ASB2: variants seen among roughly 807,000 people sequenced by gnomAD.
The protein encoded by ASB2 is ankyrin repeat and SOCS box containing 2.
A neutral mutation model predicts 62.4 loss-of-function variants in ASB2; 58 were observed. The ratio of observed to expected loss-of-function variants is 0.93; its 90% CI spans 0.75 to 1.16. The LOEUF (loss-of-function observed/expected upper bound fraction) is 1.16. Ranked by LOEUF, ASB2 falls within the 50% of genes most tolerant of loss-of-function variation. The pLI is 0.00. For missense variants in ASB2, 928 were observed against 887.9 expected (o/e 1.05, Z -0.57); for synonymous variants, 386 against 385.3 (o/e 1.00, Z -0.02).
intron 7 of ASB2, among the ~76,000 whole-genome samples, chr14:93,940,834 A>C (rs1283117593): frequency 6.6e-6 from 1 of 152,172 alleles, no homozygotes; most frequent in East Asian, 1.9e-4. Flanking sequence ...AGAGATGAGG[A>C]GACATAAGCC....
At chr14:93,947,748 C>T (rs893386999) in intron 6 of ASB2, among the ~76,000 whole-genome samples, 12 of 152,044 alleles carry the variant, frequency 7.9e-5, no homozygotes, top group Non-Finnish European at 1.8e-4. Context: ...AATCCCAGCA[C>T]TTTGGGAGGC....
intron 1 of ASB2, among the ~76,000 whole-genome samples, chr14:93,975,794 A>G (rs778930548): frequency 7.2e-5 from 11 of 152,102 alleles, no homozygotes; most frequent in Non-Finnish European, 1.5e-4. Flanking sequence ...CATCCCACCC[A>G]TCCTTTCAAA....
chr14:93,958,343 T>C (rs968867089), intron 2 of ASB2, among the ~76,000 whole-genome samples: 5 of 152,106 alleles, frequency 3.3e-5, no homozygotes, highest in African/African-American at 1.2e-4. Context: ...CTGTGCAGGG[T>C]CACCTTCAGC....
chr14:93,937,772 T>C lies in ASB2; in HGVS notation c.1697A>G (p.Asn566Ser), dbSNP rs777896257. The C allele has an allele frequency of 6.2e-7, 1 of 1,613,522 alleles. No individual in the cohort carries two copies. The highest frequency in any genetic ancestry group is 8.5e-7 in the Non-Finnish European group (1 of 1,179,450). The change falls in exon 9 of 10, where the codon AAC becomes AGC. Residue 566 changes from asparagine to serine, a missense_variant. Physicochemically the swap from Asn to Ser is conservative, Grantham distance 46. Transcript: ENST00000555019. ...CTTCAGCCGCGAGCAGAGCTGCACG[T>C]TGCCCACGTAGTCCAGGAGGACATC... Reference protein sequence around the residue: ...IIDVLLDYVGNVQLCSRLKEH... With the variant: ...IIDVLLDYVGSVQLCSRLKEH...
At chr14:93,949,663 A>C (rs891243361) in intron 6 of ASB2, among the ~76,000 whole-genome samples, 2 of 152,100 alleles carry the variant, frequency 1.3e-5, no homozygotes, top group African/African-American at 4.8e-5. Context: ...GCCTGCTTGC[A>C]CAAGAAAAAT....
intron 7 of ASB2, 185 bp from the exon 8 acceptor site, chr14:93,939,857 G>T (rs1380888444): frequency 1.5e-5 from 7 of 477,916 alleles, no homozygotes; most frequent in Non-Finnish European, 1.8e-5. Flanking sequence ...GGGCAGGGTG[G>T]GTCGGCTGCC....
intron 2 of ASB2, among the ~76,000 whole-genome samples, chr14:93,959,874 G>C (rs556881920): frequency 1.3e-5 from 2 of 152,056 alleles, no homozygotes; most frequent in Non-Finnish European, 2.9e-5. Flanking sequence ...CTGAATGCAG[G>C]GGGCAGGTAG....
rs1888215805 is a variant in ASB2, at chr14:93,934,796, A to C, written c.1772-4T>G. 6.2e-7 allele frequency: 1 copy of C among 1,610,998 alleles called. No homozygotes were observed. On this transcript the variant is annotated splice_polypyrimidine_tract_variant and splice_region_variant and intron_variant, in intron 9 of 9. Transcript: ENST00000555019. Reference sequence around the variant, plus strand: ...TGAGCCAGAGGTCTTGGAGGTTCTGAAAAAAGGAGGGAAAGACAGAGGCTG... The same window carrying C: ...TGAGCCAGAGGTCTTGGAGGTTCTGCAAAAAGGAGGGAAAGACAGAGGCTG...
rs908319347 is a variant in ASB2 at position 93,954,135 on chromosome 14, AG to A, written c.478+181del. The A allele has an allele frequency of 2.8e-5, 17 of 598,850 alleles. No homozygotes were observed. The African/African-American group carries it at 3.2e-4, about 11-fold the overall frequency. 37.1% of individuals were successfully genotyped at this position (598,850 alleles called of 1,614,324 possible). On this transcript the variant is annotated intron_variant, in intron 4 of 9. Transcript: ENST00000555019. The stretch of plus-strand genomic sequence containing the variant: ...CTTGGAGGCCTGGAGAGGTGGCAGC[AG>A]GGGGTGGGGACAACTCATTTCCCCT...
chr14:93,974,603 G>A (rs1435763409), intron 1 of ASB2, among the ~76,000 whole-genome samples: 1 of 152,222 alleles, frequency 6.6e-6, no homozygotes, highest in African/African-American at 2.4e-5. Context: ...GTTTACCACT[G>A]CCACAGTACC....
intron 1 of ASB2, chr14:93,968,305 G>A (rs1424065025): frequency 6.6e-6 from 1 of 152,188 alleles, no homozygotes; most frequent in African/African-American, 2.4e-5. Context: ...TGGAAGGTAG[G>A]AAGATTTTCA....
rs141712527 is a variant in ASB2, at chr14:93,934,705, G to T, written c.1859C>A (p.Pro620Gln). Residue 620 changes from proline (P) to glutamine (Q), a missense_variant, in exon 10 of 10, where the codon CCG becomes CAG. Transcript: ENST00000555019. ...GTATCTAATCAGCCTGCCTGGGAGC[G>T]GCAAGGTGTCTAGGAGTTTTATACG... is the stretch of plus-strand genomic sequence containing the variant. ...KYRIKLLDTL[P>Q]LPGRLIRYLK... The T allele has an allele frequency of 3.7e-6, 6 of 1,614,096 alleles. No individual in the cohort carries two copies. In the East Asian group the frequency reaches 1.1e-4, roughly 30 times the overall value.
intron 7 of ASB2, among the ~76,000 whole-genome samples, chr14:93,943,723 C>G (rs1888619696): frequency 6.6e-6 from 1 of 152,208 alleles, no homozygotes; most frequent in East Asian, 1.9e-4. Flanking sequence ...ATTGCCAACA[C>G]TTCTGAGCTT....
In ASB2 at chr14:93,953,502, G is replaced by C; in HGVS notation, c.484C>G (p.Pro162Ala). ...AGGGTGCGCTGGTCGATGGTCCCTG[G>C]GTACGCTAGGGAGGGCCCACCGGGA... ...GCLKVLQRAY[P>A]GTIDQRTLQE... The change falls in exon 5 of 10, where the codon CCA becomes GCA. Residue 162 changes from proline (P) to alanine (A), a missense_variant. Coordinates refer to ENST00000555019, the MANE Select transcript of ASB2 (RefSeq NM_001202429.2). The C allele has an allele frequency of 6.3e-7, 1 of 1,581,528 alleles. No homozygotes were observed. The highest frequency in any genetic ancestry group is 8.6e-7 in the Non-Finnish European group (1 of 1,156,740).
intron 1 of ASB2, among the ~76,000 whole-genome samples, chr14:93,964,995 G>C (rs146614660): frequency 2.9e-3 from 443 of 152,076 alleles, no homozygotes; most frequent in African/African-American, 0.01. Context: ...CCATTTATCT[G>C]TCTATTCTCT....
intron 5 of ASB2, among the ~76,000 whole-genome samples, chr14:93,951,868 T>C (rs1888982918): frequency 6.6e-6 from 1 of 152,228 alleles, no homozygotes; most frequent in African/African-American, 2.4e-5. Flanking sequence ...TGAGTACAGC[T>C]CCTCAAGTCT....
intron 9 of ASB2, 81 bp downstream of exon 9, chr14:93,937,617 A>G: frequency 7.1e-7 from 1 of 1,417,246 alleles, no homozygotes; most frequent in Non-Finnish European, 9.6e-7. Flanking sequence ...CAGGGTTAGG[A>G]ACAGTCGCAC....
chr14:93,934,306 C>T lies in ASB2; in HGVS notation c.*350G>A, dbSNP rs528083197. 131 of 464,702 alleles carry T rather than the reference C, an allele frequency of 2.8e-4. 2 individuals are homozygous for T. Among genetic ancestry groups the T allele is most frequent in the South Asian group, 1.9e-3 (118 of 62,086 alleles). The allele number at this position is 464,702 out of a possible 1,614,324, so 28.8% of individuals were successfully genotyped here. A position where few individuals can be genotyped will look rare whatever the true frequency, so the allele number is the denominator to read the frequency against. The stretch of plus-strand genomic sequence containing the variant: ...AAGTCAAGTGGTGAGTTTTCCAGAA[C>T]AAGTGGAGGGGCACAGGGAAGGCTC... On this transcript the variant is annotated 3_prime_UTR_variant, in exon 10 of 10. Coordinates refer to ENST00000555019, the MANE Select transcript of ASB2 (RefSeq NM_001202429.2).
chr14:93,975,570 C>A (rs1220723367), intron 1 of ASB2, among the ~76,000 whole-genome samples: 1 of 152,192 alleles, frequency 6.6e-6, no homozygotes, highest in Non-Finnish European at 1.5e-5. Context: ...GTCCTCTGCT[C>A]AAAAACTCTC....
Sources: gnomAD v4.1 joint callset for allele counts (sites outside exome capture counted in the v4.1 genomes callset) on GRCh38, gnomAD v4.1.1 for gene constraint, MANE v1.5 for transcripts, NCBI Gene and HGNC (gene_info 2026-07-23, HGNC 2026-07-21) for gene names.